Variants in BCL2L11 observed in about 807,000 individuals in gnomAD.
The protein encoded by BCL2L11 is BCL2 like 11, also known as bcl-2-like protein 11.
BCL2L11 carries 15 observed loss-of-function variants against 20.6 expected under a neutral mutation model. That is an observed-to-expected ratio of 0.73 (90% confidence interval 0.49 to 1.12). The LOEUF is 1.12. Among genes scored for constraint, BCL2L11 ranks in the 50% most tolerant of loss-of-function variants. The pLI is 0.00. For missense variants in BCL2L11, 292 were observed against 260.9 expected (o/e 1.12, Z -0.82); for synonymous variants, 108 against 92.8 (o/e 1.16, Z -0.94).
At chr2:111,148,859 A>G (rs770889529) in intron 2 of BCL2L11, among the ~76,000 whole-genome samples, 1 of 152,262 alleles carries the variant, frequency 6.6e-6, no homozygotes, top group Non-Finnish European at 1.5e-5. Flanking sequence ...AAAACTCTTC[A>G]AAGTGTTCAC....
Position 111,120,930 on chromosome 2 carries a change from C to G in BCL2L11, c.-272C>G, listed in dbSNP as rs1366037730. On this transcript the variant is annotated 5_prime_UTR_variant, in exon 1 of 4. Transcript: ENST00000393256. ...GCAGGTTTCACTTCGCTCCGCGCAG[C>G]CGCCTGGTCTGCAGTTTGTTGGAGC... 7.1e-5 allele frequency: 25 copies of G among 351,272 alleles called. 2 individuals carry two copies. The highest frequency in any genetic ancestry group is 5.5e-5 in the Non-Finnish European group (11 of 198,544). The allele number at this position is 351,272 out of a possible 1,614,324, so 21.8% of individuals were successfully genotyped here.
chr2:111,157,036 G>A (rs1384041488), intron 3 of BCL2L11, among the ~76,000 whole-genome samples: 1 of 152,208 alleles, frequency 6.6e-6, no homozygotes, highest in Non-Finnish European at 1.5e-5. Context: ...AGGCAAATAT[G>A]AGATGAGGCT....
chr2:111,141,941 T>G (rs543058077), intron 2 of BCL2L11, among the ~76,000 whole-genome samples: 1 of 152,292 alleles, frequency 6.6e-6, no homozygotes, highest in East Asian at 1.9e-4. Flanking sequence ...CCTCAAGTGA[T>G]GTGCCCACCT....
chr2:111,148,546 T>G (rs755532827), intron 2 of BCL2L11, among the ~76,000 whole-genome samples: 1 of 152,246 alleles, frequency 6.6e-6, no homozygotes, highest in Non-Finnish European at 1.5e-5. Context: ...GTGACACAGG[T>G]ACAATCAAAG....
chr2:111,153,311 G>A (rs555568476), intron 3 of BCL2L11, among the ~76,000 whole-genome samples: 4 of 152,214 alleles, frequency 2.6e-5, no homozygotes, highest in South Asian at 2.1e-4. Flanking sequence ...CCTGGAAGGC[G>A]CAGGTTGCAG....
chr2:111,135,713 G>A (rs922071381), intron 2 of BCL2L11, among the ~76,000 whole-genome samples: 3 of 152,302 alleles, frequency 2.0e-5, no homozygotes, highest in African/African-American at 4.8e-5. Flanking sequence ...TGGGAGAGCC[G>A]ATGGGCCCAT....
At position 111,145,355 on chromosome 2, in the gene BCL2L11, G is replaced by T. The variant is rs181143126; in HGVS notation, c.395-4689G>T. Reference sequence around the variant, plus strand: ...CGTCACAGAGAACAACTGGGTTTTGGAGAGAGAATGTCATGATGTGACTTC... The same window carrying T: ...CGTCACAGAGAACAACTGGGTTTTGTAGAGAGAATGTCATGATGTGACTTC... On this transcript the variant is annotated intron_variant, in intron 2 of 3. Transcript: ENST00000393256. Among the ~76,000 whole-genome samples, 202 of 152,282 alleles carry T rather than the reference G, an allele frequency of 1.3e-3. 2 individuals are homozygous for T. Among genetic ancestry groups the T allele is most frequent in the African/African-American group, 4.5e-3 (188 of 41,560 alleles).
chr2:111,143,982 C>A (rs986469195), intron 2 of BCL2L11, among the ~76,000 whole-genome samples: 2 of 152,206 alleles, frequency 1.3e-5, no homozygotes, highest in Non-Finnish European at 2.9e-5. Context: ...TCCAACTTCA[C>A]AGCCTTGGTT....
chr2:111,155,017 G>A (rs1176468819), intron 3 of BCL2L11, among the ~76,000 whole-genome samples: 1 of 152,136 alleles, frequency 6.6e-6, no homozygotes, highest in Admixed American at 6.5e-5. Context: ...TTGGCCAGAG[G>A]GCTACTGACC....
chr2:111,153,814 A>G, intron 3 of BCL2L11: 1 of 1,552,066 alleles, frequency 6.4e-7, no homozygotes, highest in Non-Finnish European at 8.7e-7. Flanking sequence ...TGTAGTTGTC[A>G]TGTATTCAGT....
At chr2:111,163,861 C>CTTTTTTTTTTTTTTTTTTTTTTTTTT (rs10547953) in intron 3 of BCL2L11, among the ~76,000 whole-genome samples, 1 of 104,720 alleles carries the variant, frequency 9.5e-6, no homozygotes. Flanking sequence ...TTTTTGAGTG[C>CTTTTTTTTTTTTTTTTTTTTTTTTTT]TTTTTTTTTT....
intron 3 of BCL2L11, among the ~76,000 whole-genome samples, chr2:111,161,123 C>G (rs934842916): frequency 2.0e-5 from 3 of 152,128 alleles, no homozygotes; most frequent in Non-Finnish European, 4.4e-5. Context: ...GAGCCCACCC[C>G]ACAGTGACCT....
chr2:111,165,551 A>T lies in BCL2L11; in HGVS notation c.*1320A>T, dbSNP rs1042503225. 3.3e-5 allele frequency: 5 copies of T among 152,098 alleles called. No homozygotes were observed. The South Asian group carries it at 1.0e-3, about 32-fold the overall frequency. The allele number at this position is 152,098 out of a possible 1,614,324, so 9.4% of individuals were successfully genotyped here. On this transcript the variant is annotated 3_prime_UTR_variant, in exon 4 of 4. Transcript: ENST00000393256. ...CAGGACAGTTGGATATTGTCAGGCC[A>T]CTTGTGACCCCAGCCATGTAGTGAG...
intron 2 of BCL2L11, among the ~76,000 whole-genome samples, chr2:111,138,576 A>G (rs1011825929): frequency 1.3e-5 from 2 of 152,194 alleles, no homozygotes; most frequent in African/African-American, 4.8e-5. Context: ...ACCATCACCG[A>G]AAGTACTCGG....
At chr2:111,123,123 G>A (rs555561468) in intron 1 of BCL2L11, 2 of 983,072 alleles carry the variant, frequency 2.0e-6, no homozygotes. Flanking sequence ...GATTCGGTGC[G>A]GCGTGCGGTA....
chr2:111,136,086 G>A (rs1025820095), intron 2 of BCL2L11, among the ~76,000 whole-genome samples: 4 of 152,158 alleles, frequency 2.6e-5, no homozygotes, highest in African/African-American at 7.2e-5. Flanking sequence ...TGCCAGGGGC[G>A]TTGTGGTTTT....
chr2:111,146,802 AC>A (rs1356948508), intron 2 of BCL2L11, among the ~76,000 whole-genome samples: 1 of 152,162 alleles, frequency 6.6e-6, no homozygotes, highest in East Asian at 1.9e-4. Flanking sequence ...GATTAAAACT[AC>A]CCTTTTAAAA....
At chr2:111,134,588 T>G (rs555684562) in intron 2 of BCL2L11, among the ~76,000 whole-genome samples, 2 of 152,374 alleles carry the variant, frequency 1.3e-5, no homozygotes, top group East Asian at 3.9e-4. Flanking sequence ...AGTCTACCAA[T>G]AGTCGCTTCC....
At chr2:111,159,095 G>A (rs1021019711) in intron 3 of BCL2L11, among the ~76,000 whole-genome samples, 5 of 152,192 alleles carry the variant, frequency 3.3e-5, no homozygotes, top group Non-Finnish European at 7.3e-5. Flanking sequence ...AGCTCAGCCT[G>A]AAACAAGGCC....
Sources: allele counts gnomAD v4.1 joint callset (sites outside exome capture counted in the v4.1 genomes callset), GRCh38; gene constraint gnomAD v4.1.1; transcripts MANE v1.5; gene names NCBI Gene and HGNC (gene_info 2026-07-23, HGNC 2026-07-21).